PDE4D: variants seen among roughly 807,000 people sequenced by gnomAD.
The protein encoded by PDE4D is phosphodiesterase 4D, also known as 3',5'-cyclic-AMP phosphodiesterase 4D.
In PDE4D, 24 loss-of-function variants were observed where a neutral mutation model predicts 87.4. That is an observed-to-expected ratio of 0.27 (90% CI 0.20 to 0.39). PDE4D has a LOEUF of 0.39. PDE4D is among the 10% of genes least tolerant of loss of function. PDE4D has a pLI of 1.00. For synonymous variants in PDE4D, 384 were observed against 383.2 expected (o/e 1.00, Z -0.02); for missense variants, 714 against 1,041.0 (o/e 0.69, Z 4.32).
intron 2 of PDE4D, among the ~76,000 whole-genome samples, chr5:60,045,153 T>A (rs1769052238): frequency 6.6e-6 from 1 of 152,068 alleles, no homozygotes; most frequent in Non-Finnish European, 1.5e-5. Context: ...TTTGGCTGCA[T>A]AAATGTCATC....
At chr5:59,406,894 C>T (rs1425102483) in intron 1 of PDE4D, among the ~76,000 whole-genome samples, 1 of 152,126 alleles carries the variant, frequency 6.6e-6, no homozygotes, top group Non-Finnish European at 1.5e-5. Context: ...TCAACCTAAT[C>T]ATCATCATTA....
Position 59,215,901 on chromosome 5 carries a change from C to G in PDE4D, c.523G>C (p.Gly175Arg), listed in dbSNP as rs764024044. 6.2e-6 allele frequency: 10 copies of G among 1,613,352 alleles called. No homozygotes were observed. The highest frequency in any genetic ancestry group is 1.6e-4 in the Middle Eastern group (1 of 6,076). ...ACAAAATTTGCTTGGAGAATTAGCC[C>G]GGATCCTGGGCTGGTCATGGGATCC... ...PLDPMTSPGS[G>R]LILQANFVHS... Residue 175 changes from glycine to arginine, a missense_variant, in exon 2 of 15, where the codon GGG becomes CGG. Gly to Arg is a moderately radical substitution (Grantham distance 125). Coordinates refer to ENST00000340635, the MANE Select transcript of PDE4D (RefSeq NM_001104631.2).
chr5:60,317,283 T>C (rs575301783), intron 1 of PDE4D, among the ~76,000 whole-genome samples: 9 of 152,220 alleles, frequency 5.9e-5, no homozygotes, highest in Admixed American at 5.9e-4. Context: ...ATAGAGGTGT[T>C]TATAGTATTC....
At chr5:60,134,841 C>G (rs1222943368) in intron 2 of PDE4D, among the ~76,000 whole-genome samples, 12 of 152,172 alleles carry the variant, frequency 7.9e-5, no homozygotes. Flanking sequence ...TCCCAGGATG[C>G]AGAACCCATG....
At position 60,006,678 on chromosome 5, in the gene PDE4D, C is replaced by A. The variant is rs537355821; in HGVS notation, c.43-17961G>T. On this transcript the variant is annotated intron_variant, in intron 2 of 16. Coordinates refer to the PDE4D transcript ENST00000502484. ...ATATTAAGGTTATGTGGCACTGCTC[C>A]ATAATAGAAATTTTTCCCATTGTTC... Among the ~76,000 whole-genome samples the A allele has an allele frequency of 5.3e-5, 8 of 152,028 alleles. No homozygotes were observed. The East Asian group carries it at 1.5e-3, about 29-fold the overall frequency.
At chr5:59,330,322 T>C (rs1776484530) in intron 1 of PDE4D, among the ~76,000 whole-genome samples, 1 of 152,138 alleles carries the variant, frequency 6.6e-6, no homozygotes, top group Non-Finnish European at 1.5e-5. Flanking sequence ...AACTTTCCCT[T>C]GGTAAGGTAA....
intron 5 of PDE4D, among the ~76,000 whole-genome samples, chr5:59,145,561 G>A (rs1031729623): frequency 1.3e-5 from 2 of 152,200 alleles, no homozygotes. Flanking sequence ...TAGAATGAAT[G>A]TGCAGATCTT....
chr5:59,887,180 C>T (rs1244781696), intron 1 of PDE4D, among the ~76,000 whole-genome samples: 1 of 151,894 alleles, frequency 6.6e-6, no homozygotes, highest in East Asian at 1.9e-4. Context: ...TGAGACGGAG[C>T]AAGAATTATA....
intron 2 of PDE4D, among the ~76,000 whole-genome samples, chr5:60,128,576 GT>G (rs1485416935): frequency 2.6e-5 from 4 of 152,240 alleles, no homozygotes; most frequent in African/African-American, 9.6e-5. Flanking sequence ...AGGTGTCTGG[GT>G]GACCAGGTGG....
chr5:60,094,170 C>T (rs1775427900), intron 2 of PDE4D, among the ~76,000 whole-genome samples: 1 of 152,134 alleles, frequency 6.6e-6, no homozygotes, highest in Non-Finnish European at 1.5e-5. Context: ...GGCCAAGTTT[C>T]CCTCTTTCCT....
At chr5:59,064,171 A>G (rs1219511251) in intron 5 of PDE4D, among the ~76,000 whole-genome samples, 1 of 152,026 alleles carries the variant, frequency 6.6e-6, no homozygotes, top group Non-Finnish European at 1.5e-5. Flanking sequence ...AGAGAGAGAC[A>G]AAGACACTGA....
chr5:59,781,784 C>CAAAAAAAAA lies in PDE4D; in HGVS notation c.455+111375_455+111383dup, dbSNP rs58613622. On this transcript the variant is annotated intron_variant, in intron 1 of 14. Transcript: ENST00000340635. ...TGGGCGACAGAGCGACACTCCATCT[C>CAAAAAAAAA]AAAAAAAAAAAAAAAAAAAAAAAAA... 6.8e-4 allele frequency among the ~76,000 whole-genome samples: 27 copies of CAAAAAAAAA among 39,898 alleles called. 1 individual carries two copies. The highest frequency in any genetic ancestry group is 1.6e-3 in the South Asian group (1 of 640). 26.2% of individuals were successfully genotyped at this position (39,898 alleles called of 152,430 possible).
At chr5:59,994,395 T>C (rs1362887425) in intron 2 of PDE4D, among the ~76,000 whole-genome samples, 2 of 151,906 alleles carry the variant, frequency 1.3e-5, no homozygotes, top group African/African-American at 4.8e-5. Flanking sequence ...TATATATTTA[T>C]ACATATACAT....
chr5:59,478,703 TG>T (rs1562258577), intron 1 of PDE4D, among the ~76,000 whole-genome samples: 1 of 152,086 alleles, frequency 6.6e-6, no homozygotes, highest in African/African-American at 2.4e-5. Flanking sequence ...TTAAAATCTA[TG>T]ACAAAATTAA....
At chr5:60,505,477 G>A (rs746706585) in intron 1 of PDE4D, among the ~76,000 whole-genome samples, 1 of 152,136 alleles carries the variant, frequency 6.6e-6, no homozygotes, top group Non-Finnish European at 1.5e-5. Flanking sequence ...ATCAACGTAC[G>A]TTCTTCTCCA....
chr5:59,341,612 T>A (rs1383715950), intron 1 of PDE4D, among the ~76,000 whole-genome samples: 2 of 152,350 alleles, frequency 1.3e-5, no homozygotes, highest in East Asian at 3.9e-4. Context: ...AAGGTATGTA[T>A]GTATATATAA....
intron 1 of PDE4D, among the ~76,000 whole-genome samples, chr5:59,238,670 A>G (rs376410033): frequency 1.6e-4 from 25 of 152,176 alleles, no homozygotes; most frequent in African/African-American, 6.0e-4. Context: ...CCTCTGAGTC[A>G]TAGTTATCCC....
intron 1 of PDE4D, among the ~76,000 whole-genome samples, chr5:59,425,966 G>A (rs1013160753): frequency 1.3e-5 from 2 of 152,164 alleles, no homozygotes; most frequent in African/African-American, 4.8e-5. Flanking sequence ...TTTGGAGATA[G>A]GACCACTAAA....
chr5:60,019,379 T>A (rs1765818104), intron 2 of PDE4D, among the ~76,000 whole-genome samples: 1 of 152,108 alleles, frequency 6.6e-6, no homozygotes, highest in Admixed American at 6.5e-5. Flanking sequence ...AAGAGTAGAG[T>A]CAACCTGTCC....
Sources: gnomAD v4.1 joint callset for allele counts (sites outside exome capture counted in the v4.1 genomes callset) on GRCh38, gnomAD v4.1.1 for gene constraint, MANE v1.5 for transcripts, NCBI Gene and HGNC (gene_info 2026-07-23, HGNC 2026-07-21) for gene names.